GSK3B: variants seen among roughly 807,000 people sequenced by gnomAD.
The protein encoded by GSK3B is glycogen synthase kinase-3 beta.
GSK3B carries 15 observed loss-of-function variants against 56.4 expected under a neutral mutation model. The observed-to-expected ratio is 0.27, with a 90% confidence interval of 0.18 to 0.41. GSK3B has a LOEUF of 0.41. GSK3B is among the 10% of genes least tolerant of loss of function. The pLI is 1.00. For missense variants in GSK3B, 300 were observed against 513.4 expected, an observed-to-expected ratio of 0.58 and a Z score of 4.02; for synonymous variants, 181 against 188.9, an observed-to-expected ratio of 0.96 and a Z score of 0.34.
chr3:120,059,758 A>G (rs1264365348), intron 1 of GSK3B, among the ~76,000 whole-genome samples: 1 of 152,222 alleles, frequency 6.6e-6, no homozygotes, highest in Admixed American at 6.5e-5. Flanking sequence ...GCAATACTTA[A>G]TAAGCACCTA....
chr3:120,089,050 T>C (rs1437948950), intron 1 of GSK3B, among the ~76,000 whole-genome samples: 1 of 152,214 alleles, frequency 6.6e-6, no homozygotes, highest in Non-Finnish European at 1.5e-5. Context: ...CTCCAAAATA[T>C]TATCTCACAC....
In GSK3B at chr3:120,002,251, A is replaced by T. The variant is rs1014452604; in HGVS notation, c.89-12T>A. On this transcript the variant is annotated splice_polypyrimidine_tract_variant and intron_variant, in intron 1 of 10. Transcript: ENST00000264235. The stretch of plus-strand genomic sequence containing the variant: ...GCCGTCCTTGTCTCCTAAAGGAAGA[A>T]AGGAAATTTTTTTTTCACGAGAACT... 1.3e-6 allele frequency: 2 copies of T among 1,502,886 alleles called. No homozygotes were observed. The highest frequency in any genetic ancestry group is 2.5e-5 in the East Asian group (1 of 40,776). 93.1% of individuals were successfully genotyped at this position (1,502,886 alleles called of 1,614,324 possible). A position where few individuals can be genotyped will look rare whatever the true frequency, so the allele number is the denominator to read the frequency against.
rs182442085 is a variant in GSK3B, at chr3:119,991,152, C to G, written c.282+10894G>C. 5.3e-5 allele frequency among the ~76,000 whole-genome samples: 8 copies of G among 152,234 alleles called. No individual in the cohort carries two copies. In the East Asian group the frequency reaches 1.4e-3, roughly 26 times the overall value. On this transcript the variant is annotated intron_variant, in intron 2 of 10. Coordinates refer to ENST00000264235, the MANE Select transcript of GSK3B (RefSeq NM_001146156.2). The stretch of plus-strand genomic sequence containing the variant: ...CAACTTACTGATTTTCAAGTTGGAA[C>G]AGTCAGCCTCAACAAACCATAAGGA...
At chr3:120,075,307 T>C (rs1401750968) in intron 1 of GSK3B, among the ~76,000 whole-genome samples, 2 of 152,134 alleles carry the variant, frequency 1.3e-5, no homozygotes, top group African/African-American at 2.4e-5. Context: ...ACTTTTCCTC[T>C]AAGACCTGAT....
intron 3 of GSK3B, among the ~76,000 whole-genome samples, chr3:119,924,959 C>T (rs909764308): frequency 3.9e-5 from 6 of 152,182 alleles, no homozygotes; most frequent in African/African-American, 2.4e-5. Flanking sequence ...TCCATGTCTA[C>T]GACCAAAGAG....
chr3:119,996,409 C>A (rs1426988167), intron 2 of GSK3B, among the ~76,000 whole-genome samples: 1 of 152,200 alleles, frequency 6.6e-6, no homozygotes, highest in Non-Finnish European at 1.5e-5. Flanking sequence ...CAATTTCTTG[C>A]AAGCCAAGGC....
chr3:119,833,944 C>T (rs527544351), intron 10 of GSK3B, among the ~76,000 whole-genome samples: 3 of 152,124 alleles, frequency 2.0e-5, no homozygotes, highest in South Asian at 2.1e-4. Context: ...GTAATCTGAC[C>T]GCCTCCACCT....
chr3:119,880,481 C>A (rs916834995), intron 7 of GSK3B, among the ~76,000 whole-genome samples: 11 of 152,000 alleles, frequency 7.2e-5, no homozygotes, highest in Admixed American at 7.2e-4. Context: ...TGTGTAGTTT[C>A]TTGTATGCCA....
At chr3:119,905,689 G>T in intron 7 of GSK3B, 66 bp downstream of exon 7, 1 of 896,968 alleles carries the variant, frequency 1.1e-6, no homozygotes, top group Non-Finnish European at 1.9e-6. Flanking sequence ...GTACATGTGT[G>T]ATATATATTA....
At chr3:119,828,562 C>T (rs2055551421) in intron 10 of GSK3B, among the ~76,000 whole-genome samples, 2 of 152,100 alleles carry the variant, frequency 1.3e-5, no homozygotes, top group Non-Finnish European at 2.9e-5. Flanking sequence ...TGTAGATCTA[C>T]CATGTGCTAT....
At chr3:119,930,061 A>C (rs2056929322) in intron 3 of GSK3B, among the ~76,000 whole-genome samples, 1 of 149,334 alleles carries the variant, frequency 6.7e-6, no homozygotes, top group African/African-American at 2.5e-5. Flanking sequence ...CCTGGACGAC[A>C]CAGTGAGATT....
chr3:119,974,869 T>C (rs529179897), intron 2 of GSK3B, among the ~76,000 whole-genome samples: 25 of 152,278 alleles, frequency 1.6e-4, no homozygotes, highest in African/African-American at 4.8e-4. Flanking sequence ...CACTCACTCA[T>C]TGCTGGTGGG....
chr3:119,932,800 G>A (rs577634354), intron 3 of GSK3B, among the ~76,000 whole-genome samples: 16 of 152,210 alleles, frequency 1.1e-4, no homozygotes, highest in African/African-American at 3.1e-4. Context: ...GAAAAAACCA[G>A]TATTCAAACA....
intron 1 of GSK3B, among the ~76,000 whole-genome samples, chr3:120,010,715 C>T (rs9876369): frequency 0.034 from 5,208 of 152,164 alleles, 326 homozygotes; most frequent in African/African-American, 0.12. Context: ...CAAGACTGCG[C>T]CACTGCATTT....
At chr3:119,835,667 C>T (rs76776670) in intron 10 of GSK3B, among the ~76,000 whole-genome samples, 4,263 of 151,818 alleles carry the variant, frequency 0.028, 99 homozygotes, top group South Asian at 0.062. Context: ...AAAATGCCTG[C>T]TTTTTTGTTT....
chr3:119,963,291 C>T (rs2057289986), intron 2 of GSK3B, among the ~76,000 whole-genome samples: 1 of 152,114 alleles, frequency 6.6e-6, no homozygotes, highest in African/African-American at 2.4e-5. Flanking sequence ...AGATTCAGCA[C>T]AACCCCTATC....
intron 7 of GSK3B, among the ~76,000 whole-genome samples, chr3:119,885,318 G>A (rs1486599753): frequency 6.7e-6 from 1 of 150,014 alleles, no homozygotes; most frequent in Non-Finnish European, 1.5e-5. Flanking sequence ...TAACTGAGAA[G>A]GTGAAAGATC....
intron 1 of GSK3B, among the ~76,000 whole-genome samples, chr3:120,027,493 A>G (rs1328195749): frequency 2.6e-5 from 4 of 152,164 alleles, no homozygotes; most frequent in Non-Finnish European, 5.9e-5. Context: ...AAAATAATTG[A>G]TTTACACAGA....
chr3:120,001,831 C>A (rs1481351390), intron 2 of GSK3B, among the ~76,000 whole-genome samples: 1 of 152,074 alleles, frequency 6.6e-6, no homozygotes, highest in Non-Finnish European at 1.5e-5. Context: ...TTACATATGT[C>A]ATTTGTAATG....
Sources: allele counts gnomAD v4.1 joint callset (sites outside exome capture counted in the v4.1 genomes callset), GRCh38; gene constraint gnomAD v4.1.1; transcripts MANE v1.5; gene names NCBI Gene and HGNC (gene_info 2026-07-23, HGNC 2026-07-21).